PCDH15: variants seen among roughly 807,000 people sequenced by gnomAD.
PCDH15 encodes the protein protocadherin-15.
A neutral mutation model predicts 178.5 loss-of-function variants in PCDH15; 129 were observed. The ratio of observed to expected loss-of-function variants is 0.72; its 90% CI spans 0.63 to 0.84. The LOEUF is 0.84. Ranked by LOEUF, PCDH15 falls within the 40% of genes least tolerant of loss-of-function variation. The probability of loss-of-function intolerance (pLI) is 0.00; values close to 1 mark genes in which losing one functional copy is unlikely to be tolerated. For synonymous variants in PCDH15, 800 were observed against 732.0 expected (o/e 1.09, Z -1.50); for missense variants, 2,230 against 2,099.9 (o/e 1.06, Z -1.21).
intron 18 of PCDH15, among the ~76,000 whole-genome samples, chr10:54,024,521 A>T (rs2135341204): frequency 6.6e-6 from 1 of 152,296 alleles, no homozygotes; most frequent in South Asian, 2.1e-4. Flanking sequence ...CTTTGAAACA[A>T]GAATGTCTAA....
At position 54,261,068 on chromosome 10, in the gene PCDH15, T is replaced by C. The variant is rs562546326; in HGVS notation, c.877-24137A>G. On this transcript the variant is annotated intron_variant, in intron 8 of 37. Coordinates refer to ENST00000644397, the MANE Select transcript of PCDH15 (RefSeq NM_001384140.1). ...TTTTCTATTTAAATACTGACAAGTA[T>C]TGTGGTCTTAGTCTCTTAGAGACAA... Among the ~76,000 whole-genome samples, 350 of 152,334 alleles carry C rather than the reference T, an allele frequency of 2.3e-3. 1 individual carries two copies. The highest frequency in any genetic ancestry group is 3.6e-3 in the Non-Finnish European group (243 of 68,028).
At position 54,029,077 on chromosome 10, in the gene PCDH15, A is replaced by G. The variant is rs183132574; in HGVS notation, c.2221-5880T>C. 4.6e-4 allele frequency among the ~76,000 whole-genome samples: 70 copies of G among 152,304 alleles called. 1 individual carries two copies. In the East Asian group the frequency reaches 0.013, roughly 28 times the overall value. On this transcript the variant is annotated intron_variant, in intron 18 of 37. Coordinates refer to ENST00000644397, the MANE Select transcript of PCDH15 (RefSeq NM_001384140.1). ...TTTCCTTATCTATTCCTATGTCCCC[A>G]TTAAATTAAGGAGCATAAATAAGGT...
chr10:55,339,966 G>T (rs866208126), intron 2 of PCDH15, among the ~76,000 whole-genome samples: 2 of 150,046 alleles, frequency 1.3e-5, no homozygotes, highest in Middle Eastern at 7.2e-3. Context: ...GTTGTTTTTT[G>T]AAAGAGAAAG....
chr10:55,476,142 C>CTAAAACAAT (rs1268271946), intron 2 of PCDH15, among the ~76,000 whole-genome samples: 1 of 152,010 alleles, frequency 6.6e-6, no homozygotes, highest in East Asian at 1.9e-4. Flanking sequence ...TAAGTACATG[C>CTAAAACAAT]TAAAACAATT....
intron 2 of PCDH15, among the ~76,000 whole-genome samples, chr10:55,368,621 A>G (rs1845422559): frequency 6.6e-6 from 1 of 152,272 alleles, no homozygotes; most frequent in African/African-American, 2.4e-5. Context: ...AATTTGTGAA[A>G]TGGACAGCTA....
At chr10:54,271,849 A>G (rs1270995694) in intron 8 of PCDH15, among the ~76,000 whole-genome samples, 4 of 151,686 alleles carry the variant, frequency 2.6e-5, no homozygotes, top group African/African-American at 9.7e-5. Flanking sequence ...TCATTTTAGA[A>G]TATTGTAGGG....
At chr10:53,919,651 T>C (rs1255673660) in intron 25 of PCDH15, among the ~76,000 whole-genome samples, 1 of 152,160 alleles carries the variant, frequency 6.6e-6, no homozygotes, top group Non-Finnish European at 1.5e-5. Context: ...TAACAACATA[T>C]AGATGTAACT....
At chr10:55,307,722 GC>G (rs1311273181) in intron 1 of PCDH15, among the ~76,000 whole-genome samples, 4 of 150,888 alleles carry the variant, frequency 2.7e-5, no homozygotes, top group Admixed American at 2.0e-4. Flanking sequence ...GATCCAACTT[GC>G]CCCCCAAACA....
At chr10:54,368,117 T>A (rs1947083499) in intron 5 of PCDH15, among the ~76,000 whole-genome samples, 1 of 152,098 alleles carries the variant, frequency 6.6e-6, no homozygotes, top group Admixed American at 6.6e-5. Context: ...GTTTGTATTT[T>A]GTTTTTAAGT....
At chr10:53,864,439 TG>T (rs545369000) in intron 27 of PCDH15, among the ~76,000 whole-genome samples, 1 of 152,200 alleles carries the variant, frequency 6.6e-6, no homozygotes, top group South Asian at 2.1e-4. Flanking sequence ...ATGTCTCAGA[TG>T]GAAAGGGAAA....
intron 2 of PCDH15, among the ~76,000 whole-genome samples, chr10:55,012,750 G>A (rs754897143): frequency 2.6e-5 from 4 of 151,490 alleles, no homozygotes; most frequent in African/African-American, 2.4e-5. Context: ...TTTACTTAAC[G>A]ACCATTACAT....
intron 1 of PCDH15, among the ~76,000 whole-genome samples, chr10:55,168,338 T>C (rs182733196): frequency 7.0e-4 from 107 of 152,312 alleles, no homozygotes; most frequent in African/African-American, 2.5e-3. Context: ...ATATAAATCA[T>C]TTTTAACATT....
At chr10:53,871,493 A>C (rs966203430) in intron 26 of PCDH15, among the ~76,000 whole-genome samples, 4 of 118,764 alleles carry the variant, frequency 3.4e-5, no homozygotes, top group Admixed American at 9.0e-5. Context: ...TATACACAAA[A>C]ATATAAATAT....
At chr10:55,200,763 A>G (rs1411227701) in intron 1 of PCDH15, among the ~76,000 whole-genome samples, 2 of 151,966 alleles carry the variant, frequency 1.3e-5, no homozygotes, top group Non-Finnish European at 2.9e-5. Context: ...GATGAGAGTG[A>G]GTTCTCATGA....
intron 1 of PCDH15, among the ~76,000 whole-genome samples, chr10:55,232,435 G>GT (rs1841253286): frequency 6.6e-6 from 1 of 151,902 alleles, no homozygotes; most frequent in African/African-American, 2.4e-5. Context: ...AATGTATAAT[G>GT]TTTTTCAAAA....
intron 3 of PCDH15, among the ~76,000 whole-genome samples, chr10:54,389,082 C>T (rs1442242415): frequency 6.6e-6 from 1 of 152,052 alleles, no homozygotes; most frequent in Non-Finnish European, 1.5e-5. Context: ...TTATTTATCC[C>T]TATTGAGACC....
At chr10:55,055,010 T>A (rs955215573) in intron 2 of PCDH15, among the ~76,000 whole-genome samples, 2 of 152,210 alleles carry the variant, frequency 1.3e-5, no homozygotes, top group Non-Finnish European at 1.5e-5. Context: ...GCAGAAGCTG[T>A]TAAGTTTAAT....
At position 53,926,349 on chromosome 10, in the gene PCDH15, C is replaced by T. The variant is rs147787298; in HGVS notation, c.3373+12466G>A. Among the ~76,000 whole-genome samples the T allele has an allele frequency of 3.7e-3, 566 of 152,248 alleles. 1 individual carries two copies. The highest frequency in any genetic ancestry group is 0.013 in the African/African-American group (552 of 41,566). ...TCAAATAGTTGTGAAGAAACAACAACAACAATAAAAACAGTAAATATTCAG... is the reference window on the plus strand; with the variant it reads ...TCAAATAGTTGTGAAGAAACAACAATAACAATAAAAACAGTAAATATTCAG... On this transcript the variant is annotated intron_variant, in intron 25 of 37. Transcript: ENST00000644397.
In PCDH15 at chr10:53,953,332, A is replaced by G. The variant is rs1161398784; in HGVS notation, c.3122+6400T>C. On this transcript the variant is annotated intron_variant, in intron 23 of 37. Coordinates refer to ENST00000644397, the MANE Select transcript of PCDH15 (RefSeq NM_001384140.1). ...CTCCATTTCACCTAAGTGACTCCAT[A>G]AAAGATTGATGTGAAAAGGTCAAGA... 2.6e-5 allele frequency among the ~76,000 whole-genome samples: 4 copies of G among 152,250 alleles called. No individual in the cohort carries two copies. In the East Asian group the frequency reaches 7.7e-4, roughly 29 times the overall value.
Sources: gnomAD v4.1 joint callset for allele counts (sites outside exome capture counted in the v4.1 genomes callset) on GRCh38, gnomAD v4.1.1 for gene constraint, MANE v1.5 for transcripts, NCBI Gene and HGNC (gene_info 2026-07-23, HGNC 2026-07-21) for gene names.